The following NCKIPSD variants were observed in gnomAD, a reference collection of about 807,000 sequenced individuals.
The protein encoded by NCKIPSD is NCK-interacting protein with SH3 domain.
NCKIPSD carries 48 observed loss-of-function variants against 73.4 expected under a neutral mutation model. The ratio of observed to expected loss-of-function variants is 0.65; its 90% CI spans 0.52 to 0.83. The LOEUF is 0.83. NCKIPSD is among the 40% of genes least tolerant of loss of function. NCKIPSD has a pLI of 0.00. For missense variants in NCKIPSD, 884 were observed against 970.2 expected (o/e 0.91, Z 1.18); for synonymous variants, 422 against 403.6 (o/e 1.05, Z -0.54).
At chr3:48,678,825 A>G (rs546205952) in intron 11 of NCKIPSD, 52 bp downstream of exon 11, 1 of 1,613,648 alleles carries the variant, frequency 6.2e-7, no homozygotes, top group African/African-American at 1.3e-5. Context: ...TGCAGGGGTC[A>G]TGGAGTCACA....
intron 1 of NCKIPSD, among the ~76,000 whole-genome samples, chr3:48,683,979 G>C (rs1304013387): frequency 1.5e-5 from 2 of 131,110 alleles, no homozygotes; most frequent in South Asian, 2.6e-4. Flanking sequence ...AAGACATGAA[G>C]ACACACACAC....
In NCKIPSD at chr3:48,679,793, G is replaced by T; in HGVS notation, c.1350+8C>A. 1 of 1,614,184 alleles carries T rather than the reference G, an allele frequency of 6.2e-7. No homozygotes were observed. Among genetic ancestry groups the T allele is most frequent in the Non-Finnish European group, 8.5e-7 (1 of 1,180,016 alleles). On this transcript the variant is annotated splice_region_variant and intron_variant, in intron 7 of 12. Transcript: ENST00000294129. ...CTCCATTACCCCTCCCCTCCATCCT[G>T]CACATACCATTTGGTAATAGGCCAC...
Position 48,674,281 on chromosome 3 carries a change from G to C in NCKIPSD, c.*263C>G, listed in dbSNP as rs1187564580. On this transcript the variant is annotated 3_prime_UTR_variant, in exon 13 of 13. Transcript: ENST00000294129. The stretch of plus-strand genomic sequence containing the variant: ...GTACACATGGGTGTGGGGTGAAGAG[G>C]GGGGCATGCTGAAGAGGAAGCCTAC... The C allele has an allele frequency of 1.9e-5, 25 of 1,346,920 alleles. No individual in the cohort carries two copies. In the East Asian group the frequency reaches 6.2e-4, roughly 33 times the overall value. 83.4% of individuals were successfully genotyped at this position (1,346,920 alleles called of 1,614,324 possible). A position where few individuals can be genotyped will look rare whatever the true frequency, so the allele number is the denominator to read the frequency against.
chr3:48,677,703 T>C (rs936366277), intron 12 of NCKIPSD, among the ~76,000 whole-genome samples: 4 of 152,136 alleles, frequency 2.6e-5, no homozygotes, highest in East Asian at 1.9e-4. Context: ...TGGCTGATCG[T>C]CTTCCTCTAA....
chr3:48,684,646 G>A lies in NCKIPSD; in HGVS notation c.171+991C>T, dbSNP rs113367680. Among the ~76,000 whole-genome samples the A allele has an allele frequency of 3.9e-5, 6 of 152,342 alleles. 1 individual carries two copies. The highest frequency in any genetic ancestry group is 1.3e-4 in the Admixed American group (2 of 15,308). The stretch of plus-strand genomic sequence containing the variant: ...GGGCGGGGGTGTCTGGCACAGGCCC[G>A]GCAGCTCTGGGCCCTTCTTCCCCCT... On this transcript the variant is annotated intron_variant, in intron 1 of 12. Coordinates refer to ENST00000294129, the MANE Select transcript of NCKIPSD (RefSeq NM_016453.4).
intron 2 of NCKIPSD, 23 bp from the exon 3 acceptor site, chr3:48,682,575 A>G: frequency 1.2e-6 from 2 of 1,610,850 alleles, no homozygotes; most frequent in Non-Finnish European, 1.7e-6. Context: ...CAGGAAGACT[A>G]TTGGGGGGTT....
chr3:48,674,807 A>G, intron 12 of NCKIPSD, 60 bp from the exon 13 acceptor site: 2 of 1,564,928 alleles, frequency 1.3e-6, no homozygotes, highest in Non-Finnish European at 1.7e-6. Flanking sequence ...ACCACTGGAC[A>G]GGGACAGGAC....
chr3:48,685,653 T>C lies in NCKIPSD; in HGVS notation c.155A>G (p.Tyr52Cys), dbSNP rs2077425874. 2 of 1,523,260 alleles carry C rather than the reference T, an allele frequency of 1.3e-6. No individual in the cohort carries two copies. Among genetic ancestry groups the C allele is most frequent in the Non-Finnish European group, 8.8e-7 (1 of 1,141,364 alleles). The allele number at this position is 1,523,260 out of a possible 1,614,324, so 94.4% of individuals were successfully genotyped here. A position where few individuals can be genotyped will look rare whatever the true frequency, so the allele number is the denominator to read the frequency against. ...SGETGYVPPA[Y>C]LRRLQGLEQD... is the part of the protein sequence containing the mutation. ...CGCACTCACCTGCAGGCGGCGCAGG[T>C]AGGCTGGCGGCACGTAGCCCGTCTC... Residue 52 changes from tyrosine (Y) to cysteine (C), a missense_variant, in exon 1 of 13, where the codon TAC becomes TGC. Coordinates refer to ENST00000294129, the MANE Select transcript of NCKIPSD (RefSeq NM_016453.4).
In NCKIPSD at chr3:48,680,074, C is replaced by A; in HGVS notation, c.1248G>T (p.Glu416Asp). The change falls in exon 6 of 13, where the codon GAG becomes GAT. Residue 416 changes from glutamate to aspartate, a missense_variant. Physicochemically the swap from Glu to Asp is conservative, Grantham distance 45. Coordinates refer to ENST00000294129, the MANE Select transcript of NCKIPSD (RefSeq NM_016453.4). ...DEGVIRCYLE[E>D]LLHILTDADP... Reference sequence around the variant, plus strand: ...CCACCCTTACCAGAATATGCAGCAGCTCCTCTAGGTAGCAGCGGATGACAC... The same window carrying A: ...CCACCCTTACCAGAATATGCAGCAGATCCTCTAGGTAGCAGCGGATGACAC... 1 of 1,611,972 alleles carries A rather than the reference C, an allele frequency of 6.2e-7. No homozygotes were observed. The highest frequency in any genetic ancestry group is 8.5e-7 in the Non-Finnish European group (1 of 1,178,402).
chr3:48,682,906 A>T lies in NCKIPSD; in HGVS notation c.278T>A (p.Leu93His). The T allele has an allele frequency of 6.5e-7, 1 of 1,549,606 alleles. No homozygotes were observed. Among genetic ancestry groups the T allele is most frequent in the Non-Finnish European group, 8.7e-7 (1 of 1,146,314 alleles). ...CTTCACTCCCCTCAACACTCACTGG[A>T]GGACTCCACGCTGTTCCAGGCTGTA... Reference protein sequence around the residue: ...GKYSLEQRGVLQKLIHHRKET... With the variant: ...GKYSLEQRGVHQKLIHHRKET... The change falls in exon 2 of 13, where the codon CTC becomes CAC. Residue 93 changes from leucine (L) to histidine (H), a missense_variant. By Grantham distance (99) the Leu-to-His change is moderately conservative. Transcript: ENST00000294129.
chr3:48,675,057 C>T (rs1212246496), intron 12 of NCKIPSD, among the ~76,000 whole-genome samples: 2 of 152,012 alleles, frequency 1.3e-5, no homozygotes, highest in African/African-American at 2.4e-5. Flanking sequence ...TGCTTCTCAC[C>T]CTATCCTCTC....
Position 48,682,343 on chromosome 3 carries a change from C to A in NCKIPSD, c.486+5G>T. On this transcript the variant is annotated splice_donor_5th_base_variant and intron_variant, in intron 3 of 12. Transcript: ENST00000294129. ...TCCCTTCTCCACGATGTCCTCCCCACACACCTGGTAGAGGCCTCCATCTGC... is the reference window on the plus strand; with the variant it reads ...TCCCTTCTCCACGATGTCCTCCCCAAACACCTGGTAGAGGCCTCCATCTGC... 2.5e-6 allele frequency: 4 copies of A among 1,613,902 alleles called. No individual in the cohort carries two copies. Among genetic ancestry groups the A allele is most frequent in the Non-Finnish European group, 3.4e-6 (4 of 1,179,864 alleles).
chr3:48,680,633 A>C (rs1276499356), intron 5 of NCKIPSD, among the ~76,000 whole-genome samples: 1 of 152,172 alleles, frequency 6.6e-6, no homozygotes. Flanking sequence ...CAGCACAGCC[A>C]AGCCCATTGG....
At chr3:48,684,019 C>CAG (rs1553631921) in intron 1 of NCKIPSD, among the ~76,000 whole-genome samples, 9,952 of 140,642 alleles carry the variant, frequency 0.071, 643 homozygotes, top group African/African-American at 0.17. Flanking sequence ...CACACACACA[C>CAG]AGAGAGAGAG....
At position 48,679,457 on chromosome 3, in the gene NCKIPSD, T is replaced by C. The variant is rs777965262; in HGVS notation, c.1490A>G (p.Asp497Gly). 1.4e-5 allele frequency: 22 copies of C among 1,611,612 alleles called. No homozygotes were observed. The East Asian group carries it at 4.9e-4, about 36-fold the overall frequency. Residue 497 changes from aspartate to glycine, a missense_variant and splice_region_variant, in exon 9 of 13, where the codon GAC becomes GGC. Transcript: ENST00000294129. ...GGCAGAGTAACAGAGTTTCTGGTGGTCTGGGGGGGACAAGGCAGGCAGTCA... is the reference window on the plus strand; with the variant it reads ...GGCAGAGTAACAGAGTTTCTGGTGGCCTGGGGGGGACAAGGCAGGCAGTCA... ...LARDMQTDTQ[D>G]HQKLCYSALI...
In NCKIPSD at chr3:48,685,655, G is replaced by T; in HGVS notation, c.153C>A (p.Ala51=). 6.6e-7 allele frequency: 1 copy of T among 1,524,138 alleles called. No individual in the cohort carries two copies. 94.4% of individuals were successfully genotyped at this position (1,524,138 alleles called of 1,614,324 possible). ...RSGETGYVPP[A]YLRRLQGLEQ... ...CACTCACCTGCAGGCGGCGCAGGTA[G>T]GCTGGCGGCACGTAGCCCGTCTCAC... The change falls in exon 1 of 13, where the codon GCC becomes GCA. Residue 51 remains alanine, a synonymous_variant. Transcript: ENST00000294129.
At position 48,685,861 on chromosome 3, in the gene NCKIPSD, G is replaced by C. The variant is rs1266719210; in HGVS notation, c.-54C>G. On this transcript the variant is annotated 5_prime_UTR_variant, in exon 1 of 13. Transcript: ENST00000294129. ...GTGGCAAGGGCTGCGGCGCCACAAC[G>C]CCAGGCCGGGAGCGCCGAGCCGCGC... is the stretch of plus-strand genomic sequence containing the variant. The C allele has an allele frequency of 2.2e-6, 3 of 1,345,500 alleles. No individual in the cohort carries two copies. The highest frequency in any genetic ancestry group is 3.1e-5 in the East Asian group (1 of 32,418). The allele number at this position is 1,345,500 out of a possible 1,614,324, so 83.3% of individuals were successfully genotyped here.
chr3:48,679,639 G>C lies in NCKIPSD; in HGVS notation c.1425C>G (p.Ile475Met), dbSNP rs780162736. 3.7e-6 allele frequency: 6 copies of C among 1,614,092 alleles called. No individual in the cohort carries two copies. Among genetic ancestry groups the C allele is most frequent in the African/African-American group, 1.3e-5 (1 of 74,926 alleles). ...GAMCSLDAAI[I>M]STLVSSVLPV... ...GCAGCACGGATGACACAAGCGTGGA[G>C]ATGATGGCTGCATCCAGGCTGCACA... Residue 475 changes from isoleucine to methionine, a missense_variant, in exon 8 of 13, where the codon ATC becomes ATG. Coordinates refer to ENST00000294129, the MANE Select transcript of NCKIPSD (RefSeq NM_016453.4).
At chr3:48,684,690 C>G (rs2077408490) in intron 1 of NCKIPSD, among the ~76,000 whole-genome samples, 1 of 152,204 alleles carries the variant, frequency 6.6e-6, no homozygotes, top group Non-Finnish European at 1.5e-5. Flanking sequence ...AATAGACCAG[C>G]TGGAGATACG....
Sources: gnomAD v4.1 joint callset for allele counts (sites outside exome capture counted in the v4.1 genomes callset) on GRCh38, gnomAD v4.1.1 for gene constraint, MANE v1.5 for transcripts, NCBI Gene and HGNC (gene_info 2026-07-23, HGNC 2026-07-21) for gene names.